TNNT2: variants seen among roughly 807,000 people sequenced by gnomAD.
TNNT2 encodes troponin T, cardiac muscle.
TNNT2 carries 34 observed loss-of-function variants against 62.4 expected under a neutral mutation model. The ratio of observed to expected loss-of-function variants is 0.54; its 90% CI spans 0.41 to 0.72. The LOEUF (loss-of-function observed/expected upper bound fraction) is 0.72. Ranked by LOEUF, TNNT2 falls within the 30% of genes least tolerant of loss-of-function variation. The pLI is 0.00. For synonymous variants in TNNT2, 123 were observed against 127.2 expected (o/e 0.97, Z 0.22); for missense variants, 275 against 381.9 (o/e 0.72, Z 2.33).
intron 16 of TNNT2, 27 bp from the exon 17 acceptor site, chr1:201,359,282 A>G (rs1469236807): frequency 1.9e-6 from 3 of 1,607,884 alleles, no homozygotes; most frequent in Non-Finnish European, 2.5e-6. Context: ...ACGCAGTGAC[A>G]TGGAGACACA....
At chr1:201,376,808 G>A (rs1032797654) in intron 1 of TNNT2, among the ~76,000 whole-genome samples, 2 of 152,206 alleles carry the variant, frequency 1.3e-5, no homozygotes, top group Admixed American at 6.5e-5. Context: ...GTCCCAAGAT[G>A]GGGTGTTGGG....
At chr1:201,369,769 G>A (rs779570034) in intron 5 of TNNT2, 47 bp downstream of exon 5, 12 of 1,612,610 alleles carry the variant, frequency 7.4e-6, no homozygotes, top group Non-Finnish European at 1.0e-5. Context: ...GGCTGCACTT[G>A]GGACAGCAGG....
At position 201,368,050 on chromosome 1, in the gene TNNT2, AG is replaced by A. The variant is rs1659983472; in HGVS notation, c.163+111del. 8.0e-6 allele frequency: 9 copies of A among 1,124,346 alleles called. No individual in the cohort carries two copies. In the Admixed American group the frequency reaches 1.5e-4, roughly 19 times the overall value. 69.6% of individuals were successfully genotyped at this position (1,124,346 alleles called of 1,614,324 possible). A position where few individuals can be genotyped will look rare whatever the true frequency, so the allele number is the denominator to read the frequency against. On this transcript the variant is annotated intron_variant, in intron 6 of 16. Transcript: ENST00000656932. ...ATGGTTGAATCTTAGTCAATAGGAG[AG>A]TCAGGTGCACATGGGAAAGCCTGTT...
intron 13 of TNNT2, 175 bp from the exon 14 acceptor site, chr1:201,362,197 TA>T (rs1658793006): frequency 8.2e-7 from 1 of 1,222,880 alleles, no homozygotes; most frequent in Non-Finnish European, 1.2e-6. Flanking sequence ...GAAACTGAGG[TA>T]GGGGCAAGAA....
At chr1:201,369,329 T>C (rs1259546282) in intron 5 of TNNT2, 1 of 472,666 alleles carries the variant, frequency 2.1e-6, no homozygotes, top group Non-Finnish European at 4.4e-6. Flanking sequence ...GCTGACGTCA[T>C]GTCCTTCCTG....
chr1:201,359,560 G>T, intron 16 of TNNT2, 63 bp downstream of exon 16: 1 of 1,499,324 alleles, frequency 6.7e-7, no homozygotes, highest in Non-Finnish European at 9.2e-7. Flanking sequence ...GAATGGGATA[G>T]CTGGAAGGTA....
chr1:201,373,441 T>C, intron 1 of TNNT2, 173 bp from the exon 2 acceptor site: 3 of 666,018 alleles, frequency 4.5e-6, no homozygotes, highest in Non-Finnish European at 8.1e-6. Context: ...CTGGGGGAGA[T>C]AGTGACACCC....
At chr1:201,364,081 T>C in intron 11 of TNNT2, 1 of 558,168 alleles carries the variant, frequency 1.8e-6, no homozygotes, top group Non-Finnish European at 3.2e-6. Context: ...AGACAGGGTT[T>C]CTCCGTTGGT....
At chr1:201,365,921 T>C (rs1427067539) in intron 8 of TNNT2, 1 of 1,339,436 alleles carries the variant, frequency 7.5e-7, no homozygotes, top group African/African-American at 1.5e-5. Flanking sequence ...GTGGGTACCG[T>C]TAATCTCACT....
rs1487857241 is a variant in TNNT2 at position 201,367,703 on chromosome 1, C to T, written c.199+68G>A. ...ACTTCCCTGGAAAGAGCACTGTGGG[C>T]ATTCTCCTCCAAAGCTGCTGTGAGG... On this transcript the variant is annotated intron_variant, in intron 7 of 16. Transcript: ENST00000656932. The T allele has an allele frequency of 3.3e-6, 5 of 1,535,200 alleles. No homozygotes were observed. The African/African-American group carries it at 5.5e-5, about 17-fold the overall frequency.
chr1:201,369,016 T>G (rs537210505), intron 5 of TNNT2, among the ~76,000 whole-genome samples: 18 of 152,310 alleles, frequency 1.2e-4, no homozygotes, highest in African/African-American at 4.3e-4. Flanking sequence ...TACCTCAAAA[T>G]GATCCTTCTA....
At chr1:201,374,049 T>C (rs1267831374) in intron 1 of TNNT2, 3 of 152,654 alleles carry the variant, frequency 2.0e-5, no homozygotes, top group African/African-American at 7.2e-5. Context: ...TACGTGAACC[T>C]CCACAGGTTA....
At chr1:201,369,949 G>T in intron 4 of TNNT2, 104 bp from the exon 5 acceptor site, 2 of 1,333,102 alleles carry the variant, frequency 1.5e-6, no homozygotes, top group South Asian at 1.2e-5. Flanking sequence ...GTGGTTTTAA[G>T]AGTGTGGGCT....
chr1:201,372,775 G>A (rs1186180123), intron 2 of TNNT2, among the ~76,000 whole-genome samples: 3 of 152,230 alleles, frequency 2.0e-5, no homozygotes, highest in Non-Finnish European at 4.4e-5. Flanking sequence ...CTCTGGGATA[G>A]GACTGTGGGC....
intron 1 of TNNT2, 60 bp from the exon 2 acceptor site, chr1:201,373,328 G>A (rs1461143259): frequency 1.4e-6 from 2 of 1,471,332 alleles, no homozygotes; most frequent in Admixed American, 1.7e-5. Flanking sequence ...CCTCAGAAGA[G>A]CTCTGGCCCC....
chr1:201,359,026 G>T lies in TNNT2; in HGVS notation c.*184C>A. The T allele has an allele frequency of 1.4e-6, 1 of 700,436 alleles. No individual in the cohort carries two copies. Among genetic ancestry groups the T allele is most frequent in the South Asian group, 1.6e-5 (1 of 60,756 alleles). The allele number at this position is 700,436 out of a possible 1,614,324, so 43.4% of individuals were successfully genotyped here. A position where few individuals can be genotyped will look rare whatever the true frequency, so the allele number is the denominator to read the frequency against. On this transcript the variant is annotated 3_prime_UTR_variant, in exon 17 of 17. Transcript: ENST00000656932. ...ACAGAAATGCCAGTCAGTGTGTGGTGGCTTTTTATTACTGGTGTGGAGTGG... is the reference window on the plus strand; with the variant it reads ...ACAGAAATGCCAGTCAGTGTGTGGTTGCTTTTTATTACTGGTGTGGAGTGG...
At position 201,359,132 on chromosome 1, in the gene TNNT2, A is replaced by T; in HGVS notation, c.*78T>A. 1 of 1,543,694 alleles carries T rather than the reference A, an allele frequency of 6.5e-7. No homozygotes were observed. On this transcript the variant is annotated 3_prime_UTR_variant, in exon 17 of 17. Transcript: ENST00000656932. The stretch of plus-strand genomic sequence containing the variant: ...ACAGGAGCTGCCTGGGGTGCCCAGG[A>T]GGGCCCGGGAACTGGGGGAGTGCAG...
In TNNT2 at chr1:201,362,379, TACCC is replaced by T; in HGVS notation, c.609+3_609+6del. 6.2e-7 allele frequency: 1 copy of T among 1,613,644 alleles called. No individual in the cohort carries two copies. The highest frequency in any genetic ancestry group is 8.5e-7 in the Non-Finnish European group (1 of 1,179,910). ...GAGGAAGAAGGCTTGAGGTTTTTGG[TACCC>T]ACCTGGGCCTGCTAAACCGGGAAAC... is the stretch of plus-strand genomic sequence containing the variant. On this transcript the variant is annotated splice_donor_5th_base_variant and intron_variant, in intron 13 of 16. Transcript: ENST00000656932.
chr1:201,361,819 C>T (rs1658699281), intron 14 of TNNT2, 94 bp downstream of exon 14: 1 of 1,183,456 alleles, frequency 8.4e-7, no homozygotes, highest in Non-Finnish European at 1.3e-6. Flanking sequence ...GGCAGTCCTG[C>T]CCTCTGGTGG....
Sources: gnomAD v4.1 joint callset for allele counts (sites outside exome capture counted in the v4.1 genomes callset) on GRCh38, gnomAD v4.1.1 for gene constraint, MANE v1.5 for transcripts, NCBI Gene and HGNC (gene_info 2026-07-23, HGNC 2026-07-21) for gene names.